CANX: variants seen among roughly 807,000 people sequenced by gnomAD.
CANX encodes calnexin.
A neutral mutation model predicts 75.7 loss-of-function variants in CANX; 14 were observed. The ratio of observed to expected loss-of-function variants is 0.19; its 90% CI spans 0.12 to 0.29. The LOEUF is 0.29. Among genes scored for constraint, CANX ranks in the 10% least tolerant of loss-of-function variants. CANX has a pLI of 1.00. For missense variants in CANX, 567 were observed against 713.2 expected, an observed-to-expected ratio of 0.79 and a Z score of 2.34; for synonymous variants, 227 against 236.9, an observed-to-expected ratio of 0.96 and a Z score of 0.38.
chr5:179,678,947 GCGCCGT>G, intron 1 of CANX: 1 of 1,535,252 alleles, frequency 6.5e-7, no homozygotes. Context: ...CATGCACGGC[GCGCCGT>G]AGGCGAGGCC....
At chr5:179,705,276 C>T (rs180677659) in intron 1 of CANX, among the ~76,000 whole-genome samples, 1 of 152,350 alleles carries the variant, frequency 6.6e-6, no homozygotes, top group African/African-American at 2.4e-5. Flanking sequence ...AGCCACGGCG[C>T]CCGGCCATCT....
chr5:179,679,361 T>A, intron 1 of CANX: 1 of 1,091,850 alleles, frequency 9.2e-7, no homozygotes. Flanking sequence ...CAGCTACGGC[T>A]GCGGCTGTGT....
chr5:179,683,692 C>T (rs929187307), intron 1 of CANX, among the ~76,000 whole-genome samples: 1 of 151,830 alleles, frequency 6.6e-6, no homozygotes, highest in African/African-American at 2.4e-5. Context: ...TGCCACCACA[C>T]CCAGCTAATT....
chr5:179,698,026 G>A (rs978009868), upstream of CANX, among the ~76,000 whole-genome samples: 1 of 152,132 alleles, frequency 6.6e-6, no homozygotes, highest in Non-Finnish European at 1.5e-5. Flanking sequence ...TGATTCTAGT[G>A]TTTTCCACCC....
In CANX at chr5:179,683,284, T is replaced by C. The variant is rs1207766367; in HGVS notation, c.-4+4507T>C. Among the ~76,000 whole-genome samples the C allele has an allele frequency of 3.3e-5, 5 of 151,748 alleles. No individual in the cohort carries two copies. In the South Asian group the frequency reaches 8.3e-4, roughly 25 times the overall value. On this transcript the variant is annotated intron_variant, in intron 1 of 14. Transcript: ENST00000681674. The stretch of plus-strand genomic sequence containing the variant: ...CTGGGACTACAGGCACCCGCCACCA[T>C]GCCTGGCTAATTTTTTGTATTTTTT...
chr5:179,704,999 A>ATT (rs1036138043), intron 1 of CANX, among the ~76,000 whole-genome samples: 1 of 148,542 alleles, frequency 6.7e-6, no homozygotes, highest in African/African-American at 2.5e-5. Context: ...TTCTGTGTTA[A>ATT]TTTTTTTTTT....
chr5:179,727,178 C>T (rs144796083), intron 14 of CANX, among the ~76,000 whole-genome samples: 44 of 152,220 alleles, frequency 2.9e-4, no homozygotes, highest in African/African-American at 1.0e-3. Context: ...TTGTTGAGTG[C>T]CCATTTTGTG....
chr5:179,720,435 C>T lies in CANX; in HGVS notation c.1057C>T (p.Pro353Ser), dbSNP rs1274228025. Residue 353 changes from proline to serine, a missense_variant, in exon 10 of 15, where the codon CCT (proline) becomes TCT (serine). Pro to Ser is a moderately conservative substitution (Grantham distance 74, BLOSUM62 -1). Transcript: ENST00000247461. ...AGACATGGATGGAGAATGGGAGGCT[C>T]CTCAGATTGCCAACCCTAGATGTGA... Reference protein sequence around the residue: ...DEDMDGEWEAPQIANPRCESA... With the variant: ...DEDMDGEWEASQIANPRCESA... 3.1e-6 allele frequency: 5 copies of T among 1,613,850 alleles called. No individual in the cohort carries two copies. The highest frequency in any genetic ancestry group is 2.2e-5 in the East Asian group (1 of 44,886).
intron 1 of CANX, among the ~76,000 whole-genome samples, chr5:179,681,663 A>G (rs1015277554): frequency 6.6e-6 from 1 of 152,132 alleles, no homozygotes; most frequent in Non-Finnish European, 1.5e-5. Context: ...TACAGCACCT[A>G]TGGGATGGGT....
intron 1 of CANX, among the ~76,000 whole-genome samples, chr5:179,683,434 A>G (rs1047955740): frequency 2.0e-5 from 3 of 150,354 alleles, no homozygotes; most frequent in Non-Finnish European, 4.4e-5. Context: ...CGCCCGGCCA[A>G]CTACATATAT....
chr5:179,698,666 C>T, upstream of CANX: 1 of 1,149,860 alleles, frequency 8.7e-7, no homozygotes, highest in Non-Finnish European at 1.2e-6. Context: ...GACGCGGGAA[C>T]GCCTGTTAAA....
intron 1 of CANX, among the ~76,000 whole-genome samples, chr5:179,701,763 T>TTTTTTTTTTTTG (rs1776778449): frequency 7.0e-6 from 1 of 142,918 alleles, no homozygotes; most frequent in Non-Finnish European, 1.5e-5. Context: ...TTTTTTTTTT[T>TTTTTTTTTTTTG]GAGACGGAGT....
chr5:179,679,475 G>A (rs1775997588), intron 1 of CANX, among the ~76,000 whole-genome samples: 1 of 152,176 alleles, frequency 6.6e-6, no homozygotes, highest in Admixed American at 6.6e-5. Context: ...CAGGCCCTGG[G>A]ATACATATGC....
chr5:179,726,611 T>G, intron 13 of CANX, 69 bp from the exon 14 acceptor site: 1 of 992,962 alleles, frequency 1.0e-6, no homozygotes, highest in Non-Finnish European at 1.5e-6. Context: ...TCTAGAGATG[T>G]GTTCTAATGC....
At chr5:179,720,603 T>C (rs967889399) in intron 10 of CANX, 43 bp downstream of exon 10, 1 of 1,580,156 alleles carries the variant, frequency 6.3e-7, no homozygotes, top group Non-Finnish European at 8.7e-7. Context: ...TTAATCTGTT[T>C]GTATTCAGAT....
At chr5:179,685,479 C>T (rs1776173846) in intron 1 of CANX, among the ~76,000 whole-genome samples, 1 of 150,950 alleles carries the variant, frequency 6.6e-6, no homozygotes, top group African/African-American at 2.4e-5. Flanking sequence ...AACTCCTGAC[C>T]TCAGGTGATC....
At chr5:179,715,020 C>G (rs1199437166) in intron 7 of CANX, among the ~76,000 whole-genome samples, 1 of 152,192 alleles carries the variant, frequency 6.6e-6, no homozygotes, top group Non-Finnish European at 1.5e-5. Flanking sequence ...CTGCGTTAGC[C>G]TCCCAAAGTG....
At chr5:179,708,673 A>T (rs990993931) in intron 5 of CANX, among the ~76,000 whole-genome samples, 3 of 152,094 alleles carry the variant, frequency 2.0e-5, no homozygotes, top group Non-Finnish European at 4.4e-5. Context: ...ACTAGTAATT[A>T]ATAGTTTTTC....
chr5:179,694,838 G>C (rs375461791), upstream of CANX: 3 of 438,894 alleles, frequency 6.8e-6, no homozygotes, highest in African/African-American at 6.0e-5. Context: ...CTCTCTGTGT[G>C]CCCACTTTCT....
Sources: allele counts gnomAD v4.1 joint callset (sites outside exome capture counted in the v4.1 genomes callset), GRCh38; gene constraint gnomAD v4.1.1; transcripts MANE v1.5; gene names NCBI Gene and HGNC (gene_info 2026-07-23, HGNC 2026-07-21).